Variants in ADAMTSL1 observed in about 807,000 individuals in gnomAD.
The protein encoded by ADAMTSL1 is ADAMTS like 1.
ADAMTSL1 carries 126 observed loss-of-function variants against 201.8 expected under a neutral mutation model. That is an observed-to-expected ratio of 0.62 (90% CI 0.54 to 0.72). The LOEUF is 0.72. Ranked by LOEUF, ADAMTSL1 falls within the 30% of genes least tolerant of loss-of-function variation. The probability of loss-of-function intolerance (pLI) is 0.00; values close to 1 mark genes in which losing one functional copy is unlikely to be tolerated. For synonymous variants in ADAMTSL1, 1,121 were observed against 903.4 expected, an observed-to-expected ratio of 1.24 and a Z score of -4.32; for missense variants, 2,679 against 2,277.8, an observed-to-expected ratio of 1.18 and a Z score of -3.59.
intron 7 of ADAMTSL1, among the ~76,000 whole-genome samples, chr9:18,648,707 A>G (rs1827986061): frequency 6.6e-6 from 1 of 152,044 alleles, no homozygotes; most frequent in South Asian, 2.1e-4. Flanking sequence ...AGAATGTTGA[A>G]TATTGGTCCC....
chr9:18,056,331 C>T (rs1391381035), intron 1 of ADAMTSL1, among the ~76,000 whole-genome samples: 1 of 152,080 alleles, frequency 6.6e-6, no homozygotes, highest in Non-Finnish European at 1.5e-5. Flanking sequence ...ATGCTGGAGG[C>T]AGGGTTGGAT....
intron 1 of ADAMTSL1, among the ~76,000 whole-genome samples, chr9:18,125,105 C>G (rs1431461103): frequency 1.3e-5 from 2 of 152,272 alleles, no homozygotes; most frequent in Admixed American, 1.3e-4. Context: ...ATACCCAAGA[C>G]TGAGCAATTT....
chr9:18,904,813 C>G (rs1830210350), intron 26 of ADAMTSL1, among the ~76,000 whole-genome samples: 1 of 145,592 alleles, frequency 6.9e-6, no homozygotes, highest in African/African-American at 2.6e-5. Context: ...CCTTCAGAGT[C>G]CAGAAGAGCA....
intron 1 of ADAMTSL1, among the ~76,000 whole-genome samples, chr9:18,075,141 G>C (rs544970949): frequency 6.6e-6 from 1 of 151,888 alleles, no homozygotes; most frequent in Non-Finnish European, 1.5e-5. Context: ...ACTTCTGTGA[G>C]GGGGAGGGAA....
chr9:17,989,344 T>C (rs954909062), intron 1 of ADAMTSL1, among the ~76,000 whole-genome samples: 2 of 151,970 alleles, frequency 1.3e-5, no homozygotes, highest in African/African-American at 4.8e-5. Flanking sequence ...AGCTTTCTTT[T>C]TTCAGGCTCA....
chr9:18,019,300 A>T lies in ADAMTSL1; in HGVS notation c.87+112378A>T, dbSNP rs887997854. Among the ~76,000 whole-genome samples the T allele has an allele frequency of 3.3e-5, 5 of 152,208 alleles. No homozygotes were observed. The East Asian group carries it at 9.7e-4, about 30-fold the overall frequency. Reference sequence around the variant, plus strand: ...GATTGTTAAACGAAAAGGAGTCAGGACTTGGTTGTTTTCAAAATTCTCATC... The same window carrying T: ...GATTGTTAAACGAAAAGGAGTCAGGTCTTGGTTGTTTTCAAAATTCTCATC... On this transcript the variant is annotated intron_variant, in intron 1 of 29. Transcript: ENST00000680146.
chr9:18,844,179 G>C (rs1201543828), intron 23 of ADAMTSL1, among the ~76,000 whole-genome samples: 1 of 152,128 alleles, frequency 6.6e-6, no homozygotes, highest in Non-Finnish European at 1.5e-5. Flanking sequence ...TCTACTTTTG[G>C]TCTTTGATGA....
chr9:18,228,927 C>T (rs1830537603), intron 2 of ADAMTSL1, among the ~76,000 whole-genome samples: 1 of 148,448 alleles, frequency 6.7e-6, no homozygotes, highest in African/African-American at 2.5e-5. Flanking sequence ...CAATTTCTTT[C>T]TCACTAAGCT....
intron 1 of ADAMTSL1, among the ~76,000 whole-genome samples, chr9:18,006,233 G>A (rs774349574): frequency 2.6e-5 from 4 of 152,002 alleles, no homozygotes; most frequent in Non-Finnish European, 4.4e-5. Flanking sequence ...TTACACTAGA[G>A]GTTAATAACT....
chr9:18,217,527 C>T (rs1432301801), intron 2 of ADAMTSL1, among the ~76,000 whole-genome samples: 1 of 152,078 alleles, frequency 6.6e-6, no homozygotes, highest in Admixed American at 6.6e-5. Flanking sequence ...TGGCTTTCTT[C>T]TTTCTAAAAT....
intron 15 of ADAMTSL1, among the ~76,000 whole-genome samples, chr9:18,728,081 AAAATAAATAAAT>A (rs61237330): frequency 0.31 from 45,200 of 143,798 alleles, 7,321 homozygotes; most frequent in South Asian, 0.45. Context: ...CTCTGTCTCA[AAAATAAATAAAT>A]AAATAAATAA....
chr9:18,558,229 A>C (rs1821229557), intron 3 of ADAMTSL1, among the ~76,000 whole-genome samples: 1 of 152,116 alleles, frequency 6.6e-6, no homozygotes, highest in Non-Finnish European at 1.5e-5. Flanking sequence ...CTCATTGTTC[A>C]ACTCCAACTT....
intron 4 of ADAMTSL1, among the ~76,000 whole-genome samples, chr9:18,613,714 A>T (rs1825526872): frequency 6.6e-6 from 1 of 152,146 alleles, no homozygotes; most frequent in Non-Finnish European, 1.5e-5. Context: ...GGAACAACAG[A>T]CACTGGTGCC....
At chr9:18,688,781 C>T (rs1047354871) in intron 13 of ADAMTSL1, among the ~76,000 whole-genome samples, 1 of 142,078 alleles carries the variant, frequency 7.0e-6, no homozygotes, top group African/African-American at 2.6e-5. Flanking sequence ...TACCCAGTGC[C>T]TATTTGAGAT....
chr9:18,199,268 A>C (rs1829329385), intron 2 of ADAMTSL1, among the ~76,000 whole-genome samples: 5 of 152,094 alleles, frequency 3.3e-5, no homozygotes, highest in African/African-American at 1.2e-4. Context: ...ATAATAATAA[A>C]AAAAGAAAAA....
At chr9:18,363,025 G>A (rs1188534471) in intron 2 of ADAMTSL1, among the ~76,000 whole-genome samples, 1 of 152,126 alleles carries the variant, frequency 6.6e-6, no homozygotes, top group Non-Finnish European at 1.5e-5. Flanking sequence ...AGAACAAAAG[G>A]ACTCAAGCTA....
At position 18,429,078 on chromosome 9, in the gene ADAMTSL1, C is replaced by T. The variant is rs185698926; in HGVS notation, c.208-75751C>T. 2.1e-3 allele frequency among the ~76,000 whole-genome samples: 318 copies of T among 152,202 alleles called. 12 individuals are homozygous for T. Among genetic ancestry groups the T allele is most frequent in the Admixed American group, 0.021 (314 of 15,292 alleles). On this transcript the variant is annotated intron_variant, in intron 2 of 29. Transcript: ENST00000680146. Reference sequence around the variant, plus strand: ...TTTTTACAAACCCCACCACCAGTTGCTATTTTCATTAGTTCATAGCATTTC... The same window carrying T: ...TTTTTACAAACCCCACCACCAGTTGTTATTTTCATTAGTTCATAGCATTTC...
chr9:18,671,203 G>A (rs981332514), intron 9 of ADAMTSL1, among the ~76,000 whole-genome samples: 1 of 152,166 alleles, frequency 6.6e-6, no homozygotes, highest in East Asian at 1.9e-4. Flanking sequence ...AGTGAGGAGA[G>A]GAGTTAGTAT....
intron 4 of ADAMTSL1, among the ~76,000 whole-genome samples, chr9:18,598,705 G>A (rs1366884461): frequency 6.6e-6 from 1 of 152,116 alleles, no homozygotes; most frequent in African/African-American, 2.4e-5. Context: ...AATGCCGAGT[G>A]CAAACCCACT....
Sources: gnomAD v4.1 joint callset for allele counts (sites outside exome capture counted in the v4.1 genomes callset) on GRCh38, gnomAD v4.1.1 for gene constraint, MANE v1.5 for transcripts, NCBI Gene and HGNC (gene_info 2026-07-23, HGNC 2026-07-21) for gene names.